Variants in CIPC observed in about 807,000 individuals in gnomAD.
CIPC encodes the protein CLOCK-interacting pacemaker.
CIPC carries 12 observed loss-of-function variants against 26.7 expected under a neutral mutation model. The ratio of observed to expected loss-of-function variants is 0.45; its 90% CI spans 0.29 to 0.73. The LOEUF (loss-of-function observed/expected upper bound fraction) is 0.73, where lower values mean the gene tolerates loss of function less well. Ranked by LOEUF, CIPC falls within the 30% of genes least tolerant of loss-of-function variation. The pLI is 0.12. For missense variants in CIPC, 417 were observed against 486.5 expected (o/e 0.86, Z 1.34); for synonymous variants, 170 against 189.8 (o/e 0.90, Z 0.86).
intron 3 of CIPC, among the ~76,000 whole-genome samples, chr14:77,112,381 A>AT (rs572356565): frequency 4.0e-4 from 61 of 152,358 alleles, no homozygotes; most frequent in African/African-American, 1.2e-3. Context: ...AGTATAGCAG[A>AT]ATGGCTCAGA....
At chr14:77,105,878 AGTGAATGCTTTGC>A in intron 2 of CIPC, 34 bp downstream of exon 2, 15 of 1,608,652 alleles carry the variant, frequency 9.3e-6, no homozygotes, top group Non-Finnish European at 1.1e-5. Context: ...CTGTTTTGTG[AGTGAATGCTTTGC>A]GTGAAAAATT....
At chr14:77,109,393 G>C (rs1886650375) in intron 2 of CIPC, among the ~76,000 whole-genome samples, 2 of 152,090 alleles carry the variant, frequency 1.3e-5, no homozygotes. Flanking sequence ...ATTACATCTT[G>C]TGGTACCCAG....
intron 3 of CIPC, among the ~76,000 whole-genome samples, chr14:77,112,756 G>C (rs187130874): frequency 1.3e-5 from 2 of 151,768 alleles, no homozygotes; most frequent in East Asian, 3.9e-4. Flanking sequence ...TGTCACTCAG[G>C]CTGGAGTGCA....
intron 2 of CIPC, among the ~76,000 whole-genome samples, chr14:77,108,867 CAA>C (rs1385056999): frequency 2.0e-5 from 3 of 152,142 alleles, no homozygotes; most frequent in Admixed American, 2.0e-4. Flanking sequence ...TTCTGATACT[CAA>C]ATTGTCTCAA....
chr14:77,100,392 T>C (rs1310676350), intron 1 of CIPC, among the ~76,000 whole-genome samples: 1 of 151,394 alleles, frequency 6.6e-6, no homozygotes, highest in African/African-American at 2.4e-5. Flanking sequence ...CAGGCACACA[T>C]CCCCAAGCCC....
At chr14:77,105,261 CT>C (rs1035633136) in intron 1 of CIPC, among the ~76,000 whole-genome samples, 4 of 152,178 alleles carry the variant, frequency 2.6e-5, no homozygotes, top group African/African-American at 7.2e-5. Context: ...CCCCTTTCCC[CT>C]CTCCCCCTCC....
At position 77,114,699 on chromosome 14, in the gene CIPC, A is replaced by G. The variant is rs4899638; in HGVS notation, c.*381A>G. On this transcript the variant is annotated 3_prime_UTR_variant, in exon 4 of 4. Transcript: ENST00000361786. ...AACACGAATGAGCATACAGAGCAACACCTGTTGAGCCAGGGAGTAGGTGAC... is the reference window on the plus strand; with the variant it reads ...AACACGAATGAGCATACAGAGCAACGCCTGTTGAGCCAGGGAGTAGGTGAC... The G allele has an allele frequency of 0.99, 178,034 of 180,728 alleles. 87,739 individuals are homozygous for G. The highest frequency in any genetic ancestry group is 1 in the Middle Eastern group (354 of 354). The allele number at this position is 180,728 out of a possible 1,614,324, so 11.2% of individuals were successfully genotyped here. A position where few individuals can be genotyped will look rare whatever the true frequency, so the allele number is the denominator to read the frequency against.
At chr14:77,109,058 C>T (rs1775537271) in intron 2 of CIPC, among the ~76,000 whole-genome samples, 2 of 152,202 alleles carry the variant, frequency 1.3e-5, no homozygotes, top group Admixed American at 1.3e-4. Context: ...CCTTTATGTG[C>T]AGAATGGCAT....
chr14:77,107,526 C>A (rs1450225082), intron 2 of CIPC, among the ~76,000 whole-genome samples: 1 of 152,008 alleles, frequency 6.6e-6, no homozygotes, highest in African/African-American at 2.4e-5. Context: ...ATTTTAATTA[C>A]CACATTTGTA....
chr14:77,107,661 C>CTA (rs1391508331), intron 2 of CIPC, among the ~76,000 whole-genome samples: 85 of 143,578 alleles, frequency 5.9e-4, no homozygotes, highest in African/African-American at 2.1e-3. Flanking sequence ...CACACACACT[C>CTA]TCTCTCTGAA....
intron 1 of CIPC, among the ~76,000 whole-genome samples, chr14:77,101,588 C>T (rs566722160): frequency 6.6e-6 from 1 of 152,246 alleles, no homozygotes; most frequent in East Asian, 1.9e-4. Context: ...CTTTCCTCAC[C>T]TACCATAAGG....
rs780405185 is a variant in CIPC at position 77,114,362 on chromosome 14, C to T, written c.*44C>T. 3.3e-6 allele frequency: 5 copies of T among 1,525,714 alleles called. No homozygotes were observed. The highest frequency in any genetic ancestry group is 2.1e-5 in the Admixed American group (1 of 47,462). The allele number at this position is 1,525,714 out of a possible 1,614,324, so 94.5% of individuals were successfully genotyped here. A position where few individuals can be genotyped will look rare whatever the true frequency, so the allele number is the denominator to read the frequency against. ...TGTTACTTGAGTGGTTCTTTTAGCT[C>T]ATTTGCTGTTACCTACTCCTGTTTC... is the stretch of plus-strand genomic sequence containing the variant. On this transcript the variant is annotated 3_prime_UTR_variant, in exon 4 of 4. Transcript: ENST00000361786.
At position 77,109,092 on chromosome 14, in the gene CIPC, C is replaced by G. The variant is rs143601718; in HGVS notation, c.137-720C>G. The stretch of plus-strand genomic sequence containing the variant: ...ATTTAGAAACCAAGATCTGGGCACT[C>G]AATATGTACATTGCTTCTGGGCTCA... On this transcript the variant is annotated intron_variant, in intron 2 of 3. Transcript: ENST00000361786. Among the ~76,000 whole-genome samples the G allele has an allele frequency of 3.3e-5, 5 of 152,246 alleles. No individual in the cohort carries two copies. The East Asian group carries it at 9.6e-4, about 29-fold the overall frequency.
Position 77,110,050 on chromosome 14 carries a change from G to C in CIPC, c.306+69G>C, listed in dbSNP as rs1478336283. The C allele has an allele frequency of 4.7e-6, 7 of 1,478,380 alleles. No homozygotes were observed. In the East Asian group the frequency reaches 1.1e-4, roughly 24 times the overall value. 91.6% of individuals were successfully genotyped at this position (1,478,380 alleles called of 1,614,324 possible). On this transcript the variant is annotated intron_variant, in intron 3 of 3. Coordinates refer to ENST00000361786, the MANE Select transcript of CIPC (RefSeq NM_033426.3). The stretch of plus-strand genomic sequence containing the variant: ...CTCTTAGCTTCCGTGTATAAAGGAA[G>C]AGATTTATATTCTCTGCCAAGGAGA...
Position 77,099,448 on chromosome 14 carries a change from C to G in CIPC, c.-53+1087C>G, listed in dbSNP as rs150577821. The stretch of plus-strand genomic sequence containing the variant: ...AGGGTTTTTCCACTGTTAAGATACC[C>G]AGACATTCTCCCAGAATGGTATCCC... On this transcript the variant is annotated intron_variant, in intron 1 of 3. Transcript: ENST00000361786. Among the ~76,000 whole-genome samples the G allele has an allele frequency of 2.6e-5, 4 of 152,300 alleles. No homozygotes were observed. In the East Asian group the frequency reaches 7.7e-4, roughly 29 times the overall value.
intron 3 of CIPC, among the ~76,000 whole-genome samples, chr14:77,110,721 T>A (rs2140033525): frequency 6.6e-6 from 1 of 152,364 alleles, no homozygotes; most frequent in African/African-American, 2.4e-5. Context: ...TAGAAAAGAT[T>A]GATTTCAGCC....
intron 1 of CIPC, among the ~76,000 whole-genome samples, chr14:77,102,019 G>A (rs1461129979): frequency 6.6e-6 from 1 of 152,182 alleles, no homozygotes; most frequent in Non-Finnish European, 1.5e-5. Flanking sequence ...CCAGGAGGTC[G>A]AGTCTGCAGT....
At chr14:77,104,802 T>C (rs946423303) in intron 1 of CIPC, among the ~76,000 whole-genome samples, 1 of 152,234 alleles carries the variant, frequency 6.6e-6, no homozygotes, top group Non-Finnish European at 1.5e-5. Context: ...TGACTGTCTC[T>C]CTCTAGATCA....
In CIPC at chr14:77,113,774, G is replaced by A. The variant is rs548792812; in HGVS notation, c.656G>A (p.Ser219Asn). The A allele has an allele frequency of 6.2e-7, 1 of 1,613,700 alleles. No individual in the cohort carries two copies. The highest frequency in any genetic ancestry group is 1.7e-5 in the Admixed American group (1 of 60,008). ...PSSPSTPAPP[S>N]AKLAEDSALQ... ...AGTCCCTCGACGCCAGCACCACCCAGCGCCAAACTTGCCGAGGACTCAGCT... is the reference window on the plus strand; with the variant it reads ...AGTCCCTCGACGCCAGCACCACCCAACGCCAAACTTGCCGAGGACTCAGCT... Residue 219 changes from serine to asparagine, a missense_variant, in exon 4 of 4, where the codon AGC becomes AAC. Physicochemically the swap from Ser to Asn is conservative, Grantham distance 46 (BLOSUM62 1). Transcript: ENST00000361786.
Sources: allele counts gnomAD v4.1 joint callset (sites outside exome capture counted in the v4.1 genomes callset), GRCh38; gene constraint gnomAD v4.1.1; transcripts MANE v1.5; gene names NCBI Gene and HGNC (gene_info 2026-07-23, HGNC 2026-07-21).